Variants in ABCC1 observed in about 807,000 individuals in gnomAD.
The protein encoded by ABCC1 is multidrug resistance-associated protein 1.
A neutral mutation model predicts 172.9 loss-of-function variants in ABCC1; 83 were observed. The observed-to-expected ratio is 0.48, with a 90% CI of 0.40 to 0.58. ABCC1 has a LOEUF of 0.58. ABCC1 is among the 20% of genes least tolerant of loss of function. The pLI is 0.00. For synonymous variants in ABCC1, 937 were observed against 825.2 expected (o/e 1.14, Z -2.32); for missense variants, 1,817 against 2,002.7 (o/e 0.91, Z 1.77).
intron 1 of ABCC1, among the ~76,000 whole-genome samples, chr16:15,973,404 G>A (rs760348429): frequency 5.9e-5 from 9 of 152,082 alleles, no homozygotes; most frequent in African/African-American, 2.2e-4. Context: ...AGGCCAGGGG[G>A]TGTGCTAAAT....
intron 12 of ABCC1, among the ~76,000 whole-genome samples, chr16:16,064,569 G>A (rs939744220): frequency 3.3e-5 from 5 of 152,220 alleles, no homozygotes; most frequent in African/African-American, 1.2e-4. Flanking sequence ...AGCCGGCATC[G>A]ATTGGTACTT....
At chr16:16,009,935 C>T in intron 3 of ABCC1, 34 bp downstream of exon 3, 4 of 1,545,088 alleles carry the variant, frequency 2.6e-6, no homozygotes, top group Non-Finnish European at 2.6e-6. Context: ...CCTGGGCCAT[C>T]TGCTGGGCTC....
chr16:16,043,973 T>C (rs767035062), intron 7 of ABCC1, among the ~76,000 whole-genome samples: 162 of 152,308 alleles, frequency 1.1e-3, no homozygotes, highest in African/African-American at 2.8e-3. Context: ...TTTTTCATGA[T>C]TGTTTTGACT....
intron 1 of ABCC1, among the ~76,000 whole-genome samples, chr16:15,964,755 C>T (rs146745789): frequency 1.8e-3 from 272 of 151,114 alleles, no homozygotes; most frequent in African/African-American, 6.3e-3. Context: ...TGGACTGAAT[C>T]GATCCTCCGG....
intron 2 of ABCC1, among the ~76,000 whole-genome samples, chr16:16,008,624 G>C (rs1170177876): frequency 6.6e-6 from 1 of 151,672 alleles, no homozygotes; most frequent in Non-Finnish European, 1.5e-5. Flanking sequence ...GGAGGCCAAG[G>C]CGGGCAGGTC....
At chr16:15,955,484 A>G (rs1023379053) in intron 1 of ABCC1, among the ~76,000 whole-genome samples, 1 of 152,166 alleles carries the variant, frequency 6.6e-6, no homozygotes, top group Non-Finnish European at 1.5e-5. Flanking sequence ...GTACAAGCCA[A>G]AGGGCTTACA....
chr16:16,034,431 G>C (rs2048672316), intron 6 of ABCC1, among the ~76,000 whole-genome samples: 1 of 152,076 alleles, frequency 6.6e-6, no homozygotes, highest in African/African-American at 2.4e-5. Context: ...GATGTAATTT[G>C]TTCATGACTA....
intron 23 of ABCC1, 92 bp downstream of exon 23, chr16:16,115,168 CA>C (rs2044803478): frequency 1.5e-6 from 2 of 1,322,008 alleles, no homozygotes. Context: ...ACCATGTCCC[CA>C]GTGTGGTGCT....
intron 17 of ABCC1, among the ~76,000 whole-genome samples, chr16:16,085,118 T>A (rs1375414253): frequency 6.6e-6 from 1 of 152,176 alleles, no homozygotes; most frequent in East Asian, 1.9e-4. Flanking sequence ...CCTGTGTCCA[T>A]GTTGTTACCT....
At chr16:16,087,273 G>GTC (rs1425336466) in intron 18 of ABCC1, among the ~76,000 whole-genome samples, 2 of 152,150 alleles carry the variant, frequency 1.3e-5, no homozygotes, top group Non-Finnish European at 2.9e-5. Context: ...GCTTCTTAGC[G>GTC]GGGAATCCCA....
chr16:16,132,531 T>G lies in ABCC1; in HGVS notation c.3966+596T>G, dbSNP rs1343926933. 3.8e-5 allele frequency among the ~76,000 whole-genome samples: 5 copies of G among 132,996 alleles called. 1 individual carries two copies. Among genetic ancestry groups the G allele is most frequent in the African/African-American group, 1.1e-4 (4 of 35,078 alleles). 87.3% of individuals were successfully genotyped at this position (132,996 alleles called of 152,430 possible). The stretch of plus-strand genomic sequence containing the variant: ...GGTTGTTTTTTTTTTTTTTTTTTTT[T>G]TTTTTTTTGAGATGGAGTCTTACTC... On this transcript the variant is annotated intron_variant, in intron 27 of 30. Transcript: ENST00000399410.
chr16:16,006,903 ATGG>A (rs1239566844), intron 1 of ABCC1, among the ~76,000 whole-genome samples: 5 of 89,644 alleles, frequency 5.6e-5, no homozygotes, highest in Non-Finnish European at 1.4e-4. Context: ...GATGGTGGCG[ATGG>A]TGATGATGAT....
In ABCC1 at chr16:16,114,797, G is replaced by A; in HGVS notation, c.3111G>A (p.Val1037=). The change falls in exon 23 of 31, where the codon GTG becomes GTA. Residue 1037 remains valine (V), a synonymous_variant. Transcript: ENST00000399410. ...GIAVFGYSMA[V]SIGGILASRC... ...CCGTGTTTGGCTACTCCATGGCCGTGTCCATCGGGGGGATCTTGGCTTCCC... is the reference window on the plus strand; with the variant it reads ...CCGTGTTTGGCTACTCCATGGCCGTATCCATCGGGGGGATCTTGGCTTCCC... 6.2e-7 allele frequency: 1 copy of A among 1,606,192 alleles called. No homozygotes were observed. Among genetic ancestry groups the A allele is most frequent in the Non-Finnish European group, 8.5e-7 (1 of 1,173,310 alleles).
intron 1 of ABCC1, among the ~76,000 whole-genome samples, chr16:15,964,522 A>G (rs563774494): frequency 6.6e-6 from 1 of 152,342 alleles, no homozygotes; most frequent in Admixed American, 6.5e-5. Flanking sequence ...AGGTGGGGAC[A>G]CAGAGCCAGA....
chr16:16,030,834 A>G (rs184802781), intron 5 of ABCC1, among the ~76,000 whole-genome samples: 411 of 151,266 alleles, frequency 2.7e-3, no homozygotes, highest in African/African-American at 9.5e-3. Flanking sequence ...TGGTGCGGGT[A>G]GGGCCCGGAT....
intron 5 of ABCC1, among the ~76,000 whole-genome samples, chr16:16,029,567 T>G (rs764081053): frequency 6.6e-6 from 1 of 152,226 alleles, no homozygotes; most frequent in Non-Finnish European, 1.5e-5. Flanking sequence ...AACGTTTTAA[T>G]ATGTATCTCT....
chr16:16,125,755 A>C (rs1259476413), intron 25 of ABCC1, 55 bp from the exon 26 acceptor site: 2 of 1,014,718 alleles, frequency 2.0e-6, no homozygotes, highest in Non-Finnish European at 2.8e-6. Context: ...AAGAAAAAGG[A>C]AAGTCAAGTA....
intron 2 of ABCC1, among the ~76,000 whole-genome samples, chr16:16,008,973 C>A (rs1256763199): frequency 6.9e-6 from 1 of 144,218 alleles, no homozygotes; most frequent in African/African-American, 2.6e-5. Context: ...TTTTTTGACA[C>A]AAGGTGTTGC....
intron 6 of ABCC1, among the ~76,000 whole-genome samples, chr16:16,035,883 G>A (rs1435059835): frequency 6.6e-6 from 1 of 151,860 alleles, no homozygotes; most frequent in African/African-American, 2.4e-5. Flanking sequence ...GGAGGCCAAG[G>A]TGGGAGGGTT....
Sources: gnomAD v4.1 joint callset for allele counts (sites outside exome capture counted in the v4.1 genomes callset) on GRCh38, gnomAD v4.1.1 for gene constraint, MANE v1.5 for transcripts, NCBI Gene and HGNC (gene_info 2026-07-23, HGNC 2026-07-21) for gene names.